COL4A6: variants seen among roughly 807,000 people sequenced by gnomAD.
COL4A6 encodes collagen type IV alpha 6 chain.
A neutral mutation model predicts 126.7 loss-of-function variants in COL4A6; 59 were observed. The observed-to-expected ratio is 0.47, with a 90% CI of 0.38 to 0.58. The LOEUF (loss-of-function observed/expected upper bound fraction) is 0.58, where lower values mean the gene tolerates loss of function less well. COL4A6 is among the 20% of genes least tolerant of loss of function. The pLI is 0.00. For synonymous variants in COL4A6, 547 were observed against 496.6 expected (o/e 1.10, Z -1.35); for missense variants, 1,285 against 1,337.3 (o/e 0.96, Z 0.61).
intron 44 of COL4A6, 151 bp from the exon 45 acceptor site, chrX:108,157,411 G>C: frequency 1.1e-6 from 1 of 881,508 alleles, no homozygotes; most frequent in Non-Finnish European, 1.5e-6. Flanking sequence ...AGCATACCAA[G>C]AGCTGTGTTT....
chrX:108,285,289 A>G (rs1027378306), intron 3 of COL4A6, among the ~76,000 whole-genome samples: 1 of 111,768 alleles, frequency 8.9e-6, no homozygotes, highest in African/African-American at 3.3e-5. Context: ...TTCTATCCCA[A>G]TCTCTTCCAC....
At chrX:108,331,299 C>T (rs1457825355) in intron 2 of COL4A6, among the ~76,000 whole-genome samples, 1 of 111,614 alleles carries the variant, frequency 9.0e-6, no homozygotes, top group Admixed American at 9.5e-5. Context: ...AGGAAACATT[C>T]TGAGAAATAC....
At chrX:108,289,291 G>C (rs12850369) in intron 3 of COL4A6, among the ~76,000 whole-genome samples, 1 of 105,246 alleles carries the variant, frequency 9.5e-6, no homozygotes, top group Non-Finnish European at 1.9e-5. Flanking sequence ...GTGTGTATCA[G>C]AGTGTCTTTG....
At chrX:108,197,678 C>G (rs2035261282) in intron 13 of COL4A6, among the ~76,000 whole-genome samples, 1 of 110,432 alleles carries the variant, frequency 9.1e-6, no homozygotes, top group African/African-American at 3.3e-5. Flanking sequence ...CCTTGGCTTT[C>G]TGGGCCCAGG....
At chrX:108,401,832 C>T (rs1292570896) in intron 2 of COL4A6, among the ~76,000 whole-genome samples, 2 of 110,992 alleles carry the variant, frequency 1.8e-5, no homozygotes, top group Admixed American at 1.9e-4. Context: ...GGGAGTTATC[C>T]ATGTACTATT....
intron 2 of COL4A6, among the ~76,000 whole-genome samples, chrX:108,403,233 G>GCTCTCTCTCT (rs59212608): frequency 2.1e-4 from 13 of 62,351 alleles, no homozygotes; most frequent in East Asian, 2.0e-3. Flanking sequence ...GCAAAGATTA[G>GCTCTCTCTCT]CTCTCTCTCT....
chrX:108,352,544 C>A (rs1393773781), intron 2 of COL4A6, among the ~76,000 whole-genome samples: 1 of 112,170 alleles, frequency 8.9e-6, no homozygotes, highest in East Asian at 2.8e-4. Flanking sequence ...TCATTTAATC[C>A]TCACCACATC....
intron 2 of COL4A6, among the ~76,000 whole-genome samples, chrX:108,323,769 A>G (rs763320462): frequency 2.7e-5 from 3 of 112,378 alleles, no homozygotes; most frequent in East Asian, 5.6e-4. Context: ...TAGCACTGCT[A>G]ATGTTTCACT....
chrX:108,406,954 G>T (rs756825988), intron 2 of COL4A6, among the ~76,000 whole-genome samples: 15 of 111,935 alleles, frequency 1.3e-4, no homozygotes, highest in Admixed American at 2.9e-4. Context: ...AAGGAAGAAA[G>T]AAAGGAAGAA....
At chrX:108,391,715 C>T (rs764238732) in intron 2 of COL4A6, among the ~76,000 whole-genome samples, 1 of 112,002 alleles carries the variant, frequency 8.9e-6, no homozygotes, top group East Asian at 2.8e-4. Flanking sequence ...CCAGGGTGTA[C>T]TGTTTTTCCC....
At chrX:108,403,881 G>A (rs1057204166) in intron 2 of COL4A6, among the ~76,000 whole-genome samples, 5 of 111,321 alleles carry the variant, frequency 4.5e-5, no homozygotes, top group African/African-American at 1.6e-4. Flanking sequence ...TCTAAATTGG[G>A]GATTTTAAAA....
intron 2 of COL4A6, among the ~76,000 whole-genome samples, chrX:108,333,984 C>G (rs1427648039): frequency 2.7e-5 from 3 of 111,276 alleles, no homozygotes; most frequent in African/African-American, 9.8e-5. Context: ...AAGCAATCTA[C>G]AAATTCAATG....
intron 2 of COL4A6, among the ~76,000 whole-genome samples, chrX:108,382,784 T>C (rs778108286): frequency 1.5e-4 from 16 of 108,547 alleles, no homozygotes; most frequent in African/African-American, 4.7e-4. Context: ...CCGCCTCTAC[T>C]AAAAATACAA....
chrX:108,406,439 C>T (rs1294902938), intron 2 of COL4A6, among the ~76,000 whole-genome samples: 2 of 112,395 alleles, frequency 1.8e-5, no homozygotes, highest in African/African-American at 3.2e-5. Context: ...CTATCACTTA[C>T]ATGATACATT....
At chrX:108,426,065 A>G (rs1240030093) in intron 2 of COL4A6, among the ~76,000 whole-genome samples, 1 of 111,506 alleles carries the variant, frequency 9.0e-6, no homozygotes, top group Admixed American at 9.6e-5. Context: ...ACTTAATCAT[A>G]TCTAAAAGAC....
intron 2 of COL4A6, among the ~76,000 whole-genome samples, chrX:108,430,781 A>T (rs940330786): frequency 1.8e-5 from 2 of 111,876 alleles, no homozygotes; most frequent in Non-Finnish European, 3.8e-5. Context: ...AGCTGGTTGG[A>T]GTGTCATGGG....
intron 3 of COL4A6, among the ~76,000 whole-genome samples, chrX:108,232,204 G>T (rs2036326420): frequency 8.9e-6 from 1 of 111,759 alleles, no homozygotes; most frequent in Admixed American, 9.5e-5. Context: ...TAAATTCATG[G>T]AAGAATCTTC....
At position 108,161,610 on chromosome X, in the gene COL4A6, T is replaced by G; in HGVS notation, c.4333+9A>C. 3.7e-6 allele frequency: 2 copies of G among 535,487 alleles called. No homozygotes were observed. The highest frequency in any genetic ancestry group is 2.7e-5 in the African/African-American group (1 of 37,718). The allele number at this position is 535,487 out of a possible 1,213,427, so 44.1% of individuals were successfully genotyped here. ...GCCCCGCCCGCCTCCTAATGTGGCATCATCAGACCTTCAAATCCTGGAGGG... is the reference window on the plus strand; with the variant it reads ...GCCCCGCCCGCCTCCTAATGTGGCAGCATCAGACCTTCAAATCCTGGAGGG... On this transcript the variant is annotated intron_variant, in intron 42 of 44. Transcript: ENST00000334504.
At chrX:108,379,657 C>T (rs1283413489) in intron 2 of COL4A6, among the ~76,000 whole-genome samples, 2 of 108,833 alleles carry the variant, frequency 1.8e-5, no homozygotes, top group Non-Finnish European at 3.8e-5. Flanking sequence ...CTTGACTCTG[C>T]TTTATTTATA....
Sources: gnomAD v4.1 joint callset for allele counts (sites outside exome capture counted in the v4.1 genomes callset) on GRCh38, gnomAD v4.1.1 for gene constraint, MANE v1.5 for transcripts, NCBI Gene and HGNC (gene_info 2026-07-23, HGNC 2026-07-21) for gene names.